FRY: variants seen among roughly 807,000 people sequenced by gnomAD.
FRY encodes the protein FRY microtubule binding protein.
FRY carries 128 observed loss-of-function variants against 348.4 expected under a neutral mutation model. That is an observed-to-expected ratio of 0.37 (90% CI 0.32 to 0.43). FRY has a LOEUF of 0.43. Among genes scored for constraint, FRY ranks in the 20% least tolerant of loss-of-function variants. The pLI, the probability that FRY is intolerant of heterozygous loss-of-function variation, is 1.00. For synonymous variants in FRY, 1,370 were observed against 1,374.7 expected (o/e 1.00, Z 0.08); for missense variants, 2,736 against 3,695.2 (o/e 0.74, Z 6.73).
chr13:32,073,908 T>C (rs1874838781), intron 1 of FRY, among the ~76,000 whole-genome samples: 1 of 152,046 alleles, frequency 6.6e-6, no homozygotes, highest in Non-Finnish European at 1.5e-5. Context: ...GCTGTGGAGG[T>C]GTTTATATTG....
intron 35 of FRY, among the ~76,000 whole-genome samples, chr13:32,216,051 A>G (rs1884974585): frequency 6.6e-6 from 1 of 152,198 alleles, no homozygotes. Flanking sequence ...AATATATATT[A>G]ACTATCAGTT....
At chr13:32,072,349 C>T (rs1014469935) in intron 1 of FRY, among the ~76,000 whole-genome samples, 3 of 151,948 alleles carry the variant, frequency 2.0e-5, no homozygotes, top group Non-Finnish European at 4.4e-5. Flanking sequence ...ATATTCTTTT[C>T]TTGGCCCACT....
rs1394647750 is a variant in FRY at position 32,201,921 on chromosome 13, T to C, written c.3747-20T>C. On this transcript the variant is annotated intron_variant, in intron 29 of 60. Coordinates refer to ENST00000542859, the MANE Select transcript of FRY (RefSeq NM_023037.3). ...TCTTATAAACCATGCTTTTTTTGTT[T>C]TGTTCTGTTGTGTTTTTAGGAACTA... 1 of 1,340,372 alleles carries C rather than the reference T, an allele frequency of 7.5e-7. No homozygotes were observed. The highest frequency in any genetic ancestry group is 1.4e-5 in the African/African-American group (1 of 69,872). The allele number at this position is 1,340,372 out of a possible 1,614,324, so 83.0% of individuals were successfully genotyped here.
chr13:32,119,593 C>CT (rs1878520733), intron 4 of FRY, among the ~76,000 whole-genome samples: 1 of 152,176 alleles, frequency 6.6e-6, no homozygotes, highest in Non-Finnish European at 1.5e-5. Context: ...CAAAAATACT[C>CT]TCTCTACTGC....
intron 1 of FRY, among the ~76,000 whole-genome samples, chr13:32,048,166 G>A (rs906294692): frequency 6.6e-6 from 1 of 152,200 alleles, no homozygotes; most frequent in African/African-American, 2.4e-5. Context: ...AATATTGAAT[G>A]AGTGAATAAA....
chr13:32,252,552 C>T (rs1456469036), intron 50 of FRY, among the ~76,000 whole-genome samples: 1 of 152,118 alleles, frequency 6.6e-6, no homozygotes, highest in Non-Finnish European at 1.5e-5. Context: ...GGGAGTATAA[C>T]AAAAACAATA....
rs1034101225 is a variant in FRY at position 32,297,066 on chromosome 13, C to G, written c.*1606C>G. The G allele has an allele frequency of 6.6e-6, 1 of 152,180 alleles. No individual in the cohort carries two copies. The highest frequency in any genetic ancestry group is 1.5e-5 in the Non-Finnish European group (1 of 68,040). The allele number at this position is 152,180 out of a possible 1,614,324, so 9.4% of individuals were successfully genotyped here. On this transcript the variant is annotated 3_prime_UTR_variant, in exon 61 of 61. Transcript: ENST00000542859. ...CAATCTCATTTATGCCGTCTTTCTA[C>G]TCATATTTTACATGGACCAACAAAT...
chr13:32,268,934 G>GA (rs1348937140), intron 55 of FRY, among the ~76,000 whole-genome samples: 2 of 152,096 alleles, frequency 1.3e-5, no homozygotes, highest in East Asian at 1.9e-4. Context: ...TAATGCAAAG[G>GA]AAAAAAATGG....
chr13:32,147,796 C>T, intron 12 of FRY, 43 bp from the exon 13 acceptor site: 1 of 1,055,736 alleles, frequency 9.5e-7, no homozygotes, highest in Non-Finnish European at 1.5e-6. Flanking sequence ...AACTGGAGCT[C>T]AGCCAATCTT....
chr13:32,272,370 C>T (rs530865265), intron 55 of FRY, among the ~76,000 whole-genome samples: 1 of 152,284 alleles, frequency 6.6e-6, no homozygotes, highest in Non-Finnish European at 1.5e-5. Context: ...GACATTTTTC[C>T]AAGTGTCTCA....
At chr13:32,216,338 T>C (rs1266178754) in intron 35 of FRY, among the ~76,000 whole-genome samples, 1 of 152,226 alleles carries the variant, frequency 6.6e-6, no homozygotes, top group East Asian at 1.9e-4. Flanking sequence ...ACATACACTT[T>C]GCTACACTGT....
At chr13:32,120,457 C>G (rs77252579) in intron 4 of FRY, among the ~76,000 whole-genome samples, 5 of 151,998 alleles carry the variant, frequency 3.3e-5, no homozygotes, top group African/African-American at 9.7e-5. Context: ...CTGCTTCTAA[C>G]TTTTTTAAAC....
intron 58 of FRY, among the ~76,000 whole-genome samples, chr13:32,279,059 A>G (rs1234464497): frequency 1.3e-5 from 2 of 152,214 alleles, no homozygotes; most frequent in Non-Finnish European, 1.5e-5. Context: ...TGCCTCCTGT[A>G]TGGCCCCATG....
intron 36 of FRY, among the ~76,000 whole-genome samples, chr13:32,219,240 C>T (rs1807283): frequency 0.13 from 19,064 of 149,902 alleles, 1,387 homozygotes; most frequent in African/African-American, 0.18. Flanking sequence ...AGGCACCCAC[C>T]ACCACGCCCA....
At chr13:32,277,892 G>A (rs570963253) in intron 57 of FRY, among the ~76,000 whole-genome samples, 4 of 152,342 alleles carry the variant, frequency 2.6e-5, no homozygotes, top group Admixed American at 6.5e-5. Context: ...CAGTTCCTCA[G>A]TGCTCATTGT....
chr13:32,094,242 G>T (rs80156437), intron 2 of FRY, among the ~76,000 whole-genome samples: 7,185 of 151,902 alleles, frequency 0.047, 402 homozygotes, highest in East Asian at 0.26. Context: ...TGGGTACATA[G>T]TAGGTGTATA....
At chr13:32,057,941 C>A (rs1269133456) in intron 1 of FRY, among the ~76,000 whole-genome samples, 1 of 148,526 alleles carries the variant, frequency 6.7e-6, no homozygotes, top group East Asian at 2.0e-4. Context: ...GCCTGGGCAA[C>A]AGAGCGAGAC....
At chr13:32,043,966 G>GGGA (rs112116536) in intron 1 of FRY, among the ~76,000 whole-genome samples, 98,306 of 151,740 alleles carry the variant, frequency 0.65, 32,084 homozygotes, top group South Asian at 0.66. Context: ...AGCCTGAAAT[G>GGGA]GGAGAAGTGC....
At chr13:32,039,193 A>G (rs1433355839) in intron 1 of FRY, among the ~76,000 whole-genome samples, 1 of 152,220 alleles carries the variant, frequency 6.6e-6, no homozygotes, top group Non-Finnish European at 1.5e-5. Flanking sequence ...ACAATTTCAA[A>G]TATTTCTTCT....
Sources: allele counts gnomAD v4.1 joint callset (sites outside exome capture counted in the v4.1 genomes callset), GRCh38; gene constraint gnomAD v4.1.1; transcripts MANE v1.5; gene names NCBI Gene and HGNC (gene_info 2026-07-23, HGNC 2026-07-21).